The following SEMA6D variants were observed in gnomAD, a reference collection of about 807,000 sequenced individuals.
The protein encoded by SEMA6D is semaphorin-6D.
A neutral mutation model predicts 106.6 loss-of-function variants in SEMA6D; 35 were observed. That is an observed-to-expected ratio of 0.33 (90% CI 0.25 to 0.44). The LOEUF (loss-of-function observed/expected upper bound fraction) is 0.44, where lower values mean the gene tolerates loss of function less well. SEMA6D is among the 20% of genes least tolerant of loss of function. The pLI is 1.00. For missense variants in SEMA6D, 1,185 were observed against 1,345.9 expected, an observed-to-expected ratio of 0.88 and a Z score of 1.87; for synonymous variants, 499 against 487.7, an observed-to-expected ratio of 1.02 and a Z score of -0.31.
chr15:47,264,095 A>G (rs1006509365), intron 1 of SEMA6D, among the ~76,000 whole-genome samples: 25 of 152,088 alleles, frequency 1.6e-4, no homozygotes, highest in African/African-American at 6.0e-4. Context: ...TAACACAGAA[A>G]CAAAAAAGCA....
rs577063303 is a variant in SEMA6D at position 47,585,895 on chromosome 15, A to G, written c.-86-14970A>G. On this transcript the variant is annotated intron_variant, in intron 3 of 19. Transcript: ENST00000558014. Reference sequence around the variant, plus strand: ...CTGGCACCAGCCTGCAGCCCTAACCACCAGGCACAGACACACAGCCTGTCT... The same window carrying G: ...CTGGCACCAGCCTGCAGCCCTAACCGCCAGGCACAGACACACAGCCTGTCT... 2.6e-5 allele frequency among the ~76,000 whole-genome samples: 4 copies of G among 152,296 alleles called. No homozygotes were observed. In the South Asian group the frequency reaches 6.2e-4, roughly 24 times the overall value.
At chr15:47,517,905 C>T (rs903261876) in intron 3 of SEMA6D, among the ~76,000 whole-genome samples, 1 of 152,154 alleles carries the variant, frequency 6.6e-6, no homozygotes, top group Admixed American at 6.5e-5. Flanking sequence ...ATGCTTTTCT[C>T]CCCACAATGA....
rs1400389840 is a variant in SEMA6D at position 47,357,930 on chromosome 15, ATTC to A, written c.-238-54460_-238-54458del. 2.0e-5 allele frequency among the ~76,000 whole-genome samples: 3 copies of A among 152,350 alleles called. No homozygotes were observed. The East Asian group carries it at 5.8e-4, about 29-fold the overall frequency. ...AACATGGAGGTGATTTTGGTGGGGA[ATTC>A]TTATCAAAATTATTCTTAATAGAAA... On this transcript the variant is annotated intron_variant, in intron 1 of 19. Transcript: ENST00000558014.
intron 2 of SEMA6D, among the ~76,000 whole-genome samples, chr15:47,458,996 C>T (rs868217930): frequency 4.6e-5 from 7 of 152,032 alleles, no homozygotes; most frequent in Middle Eastern, 3.4e-3. Context: ...TACCCTTGAG[C>T]GTGAATGGGA....
At chr15:47,433,631 A>T (rs2041609054) in intron 2 of SEMA6D, among the ~76,000 whole-genome samples, 1 of 152,136 alleles carries the variant, frequency 6.6e-6, no homozygotes, top group Admixed American at 6.6e-5. Context: ...AATGTTTTAT[A>T]GATCACACAT....
chr15:47,350,113 C>T (rs372371024), intron 1 of SEMA6D, among the ~76,000 whole-genome samples: 13 of 130,826 alleles, frequency 9.9e-5, no homozygotes, highest in African/African-American at 3.0e-4. Flanking sequence ...TCATTATAAC[C>T]GGGTCATGTC....
chr15:47,418,601 C>T (rs1273788995), intron 2 of SEMA6D, among the ~76,000 whole-genome samples: 1 of 152,066 alleles, frequency 6.6e-6, no homozygotes, highest in African/African-American at 2.4e-5. Flanking sequence ...AAACACCCCA[C>T]CTCTTGATAC....
intron 4 of SEMA6D, among the ~76,000 whole-genome samples, chr15:47,700,363 A>C (rs12591510): frequency 0.3 from 45,699 of 151,914 alleles, 8,496 homozygotes; most frequent in Middle Eastern, 0.45. Context: ...TTGTCTCTAC[A>C]AAATATTTTT....
At chr15:47,617,293 A>G (rs906912318) in intron 4 of SEMA6D, among the ~76,000 whole-genome samples, 20 of 152,190 alleles carry the variant, frequency 1.3e-4, no homozygotes, top group Admixed American at 9.8e-4. Flanking sequence ...AGAAAATCAT[A>G]GTTAGTAGTT....
intron 2 of SEMA6D, among the ~76,000 whole-genome samples, chr15:47,444,186 G>A (rs2041962534): frequency 6.6e-6 from 1 of 152,158 alleles, no homozygotes; most frequent in South Asian, 2.1e-4. Flanking sequence ...GTCTCATGGA[G>A]TTTATAATCA....
chr15:47,608,317 T>C (rs1343573380), intron 4 of SEMA6D, among the ~76,000 whole-genome samples: 3 of 152,220 alleles, frequency 2.0e-5, no homozygotes, highest in African/African-American at 7.2e-5. Flanking sequence ...AAATGAACTA[T>C]TAATGACCAA....
intron 1 of SEMA6D, among the ~76,000 whole-genome samples, chr15:47,368,150 C>G (rs1390111531): frequency 1.3e-5 from 2 of 152,188 alleles, no homozygotes; most frequent in Non-Finnish European, 2.9e-5. Context: ...ATAGTCATCT[C>G]TAAGACATGA....
chr15:47,571,993 A>G (rs1218828525), intron 3 of SEMA6D, among the ~76,000 whole-genome samples: 4 of 152,228 alleles, frequency 2.6e-5, no homozygotes, highest in Non-Finnish European at 5.9e-5. Context: ...AGTTTAAAGT[A>G]TTATAGAAAC....
intron 1 of SEMA6D, among the ~76,000 whole-genome samples, chr15:47,304,468 A>C (rs1341168506): frequency 8.0e-6 from 1 of 125,508 alleles, no homozygotes; most frequent in Non-Finnish European, 1.8e-5. Context: ...AAAAAAAAAA[A>C]ATTCTCTTAG....
intron 1 of SEMA6D, among the ~76,000 whole-genome samples, chr15:47,733,064 A>G (rs548019180): frequency 3.9e-5 from 6 of 152,258 alleles, no homozygotes; most frequent in African/African-American, 1.4e-4. Context: ...ATAAATTCAC[A>G]TTTTCTCATG....
intron 4 of SEMA6D, among the ~76,000 whole-genome samples, chr15:47,631,465 A>T (rs1354636292): frequency 6.6e-6 from 1 of 151,928 alleles, no homozygotes; most frequent in African/African-American, 2.4e-5. Context: ...CGAAAAAAAA[A>T]TGAAAGAAAA....
chr15:47,285,945 A>T (rs1293678398), intron 1 of SEMA6D, among the ~76,000 whole-genome samples: 2 of 152,180 alleles, frequency 1.3e-5, no homozygotes, highest in African/African-American at 4.8e-5. Flanking sequence ...GATTTTTTTT[A>T]AAAGCAAAGG....
intron 1 of SEMA6D, among the ~76,000 whole-genome samples, chr15:47,222,421 A>T (rs1468421642): frequency 6.6e-6 from 1 of 151,780 alleles, no homozygotes; most frequent in Admixed American, 6.6e-5. Flanking sequence ...TAGGTTCACT[A>T]CTCTTGCCAT....
intron 1 of SEMA6D, among the ~76,000 whole-genome samples, chr15:47,208,159 G>A (rs561563942): frequency 1.3e-5 from 2 of 151,986 alleles, no homozygotes; most frequent in South Asian, 4.2e-4. Context: ...AAACCAACTG[G>A]TCTTTAGTTT....
Sources: gnomAD v4.1 joint callset for allele counts (sites outside exome capture counted in the v4.1 genomes callset) on GRCh38, gnomAD v4.1.1 for gene constraint, MANE v1.5 for transcripts, NCBI Gene and HGNC (gene_info 2026-07-23, HGNC 2026-07-21) for gene names.